The following GRID1 variants were observed in gnomAD, a reference collection of about 807,000 sequenced individuals.
GRID1 encodes glutamate receptor ionotropic, delta-1.
A neutral mutation model predicts 98.0 loss-of-function variants in GRID1; 28 were observed. That is an observed-to-expected ratio of 0.29 (90% CI 0.21 to 0.39). The LOEUF (loss-of-function observed/expected upper bound fraction) is 0.39. Among genes scored for constraint, GRID1 ranks in the 10% least tolerant of loss-of-function variants. GRID1 has a pLI of 1.00. For missense variants in GRID1, 1,111 were observed against 1,340.5 expected (o/e 0.83, Z 2.67); for synonymous variants, 553 against 538.5 (o/e 1.03, Z -0.37).
At chr10:85,821,605 G>C (rs866129870) in intron 8 of GRID1, among the ~76,000 whole-genome samples, 30 of 148,332 alleles carry the variant, frequency 2.0e-4, no homozygotes, top group African/African-American at 6.2e-4. Flanking sequence ...TTGCAAAGAA[G>C]TACAGGCAAA....
intron 4 of GRID1, among the ~76,000 whole-genome samples, chr10:86,088,172 A>G (rs1467142261): frequency 2.6e-5 from 4 of 152,264 alleles, no homozygotes. Context: ...TAATTAACAC[A>G]GCCCGCTGTT....
intron 4 of GRID1, among the ~76,000 whole-genome samples, chr10:86,109,239 G>A (rs1387939413): frequency 6.6e-6 from 1 of 152,222 alleles, no homozygotes; most frequent in Non-Finnish European, 1.5e-5. Flanking sequence ...CCTCAGCCTA[G>A]CAGCTAATAA....
chr10:85,982,918 CTG>C, intron 4 of GRID1, among the ~76,000 whole-genome samples: 1 of 152,234 alleles, frequency 6.6e-6, no homozygotes, highest in Admixed American at 6.5e-5. Context: ...TAAATCAAGA[CTG>C]TAAAAACCTG....
rs143746177 is a variant in GRID1, at chr10:85,617,102, G to A, written c.2360+2765C>T. ...TTATAGCAGTTCCACATAAGGCTGG[G>A]ACCTGTCATTTATACTAGAACCTGT... On this transcript the variant is annotated intron_variant, in intron 14 of 15. Transcript: ENST00000327946. Among the ~76,000 whole-genome samples, 505 of 152,222 alleles carry A rather than the reference G, an allele frequency of 3.3e-3. 3 individuals are homozygous for A. Among genetic ancestry groups the A allele is most frequent in the African/African-American group, 0.012 (489 of 41,508 alleles).
At chr10:85,966,017 G>A (rs967645602) in intron 4 of GRID1, among the ~76,000 whole-genome samples, 1 of 152,114 alleles carries the variant, frequency 6.6e-6, no homozygotes, top group African/African-American at 2.4e-5. Flanking sequence ...TACAAGATGG[G>A]GTGGGAACTG....
chr10:86,068,807 G>A (rs191593464), intron 4 of GRID1, among the ~76,000 whole-genome samples: 1 of 152,182 alleles, frequency 6.6e-6, no homozygotes, highest in African/African-American at 2.4e-5. Context: ...ACAGTGAAAT[G>A]TGCCACCCCT....
intron 2 of GRID1, among the ~76,000 whole-genome samples, chr10:86,222,934 G>A (rs1265792044): frequency 6.6e-6 from 1 of 152,116 alleles, no homozygotes; most frequent in African/African-American, 2.4e-5. Context: ...GGGGACATGC[G>A]AGACTGCATC....
At chr10:86,267,014 C>A (rs1484633172) in intron 2 of GRID1, among the ~76,000 whole-genome samples, 2 of 152,210 alleles carry the variant, frequency 1.3e-5, no homozygotes, top group Admixed American at 1.3e-4. Context: ...TAGCATGGTG[C>A]CAGCCAGGCT....
intron 4 of GRID1, among the ~76,000 whole-genome samples, chr10:85,989,187 T>C (rs1303416519): frequency 6.6e-6 from 1 of 152,152 alleles, no homozygotes; most frequent in African/African-American, 2.4e-5. Context: ...CAAAGGCTGT[T>C]GTTGGAGTCA....
At chr10:86,025,805 A>G (rs1229925659) in intron 4 of GRID1, among the ~76,000 whole-genome samples, 1 of 152,152 alleles carries the variant, frequency 6.6e-6, no homozygotes, top group East Asian at 1.9e-4. Context: ...TAGATAATCA[A>G]CCCAGTTTTG....
In GRID1 at chr10:86,201,415, AACTAAC is replaced by A. The variant is rs371839043; in HGVS notation, c.520+4943_520+4948del. ...GAGCTGCAAGCCACTATCCTGAGCC[AACTAAC>A]ACAGGAACAGAAAACCAAATATAGC... is the stretch of plus-strand genomic sequence containing the variant. On this transcript the variant is annotated intron_variant, in intron 3 of 15. Coordinates refer to ENST00000327946, the MANE Select transcript of GRID1 (RefSeq NM_017551.3). Among the ~76,000 whole-genome samples the A allele has an allele frequency of 3.6e-3, 544 of 152,332 alleles. 1 individual carries two copies. Among genetic ancestry groups the A allele is most frequent in the African/African-American group, 0.013 (525 of 41,574 alleles).
intron 2 of GRID1, among the ~76,000 whole-genome samples, chr10:86,274,366 T>C (rs1380858344): frequency 6.6e-6 from 1 of 152,238 alleles, no homozygotes; most frequent in Admixed American, 6.5e-5. Context: ...CTTTGTTCTT[T>C]TGGCTTAGGA....
At chr10:85,943,804 G>C (rs896333831) in intron 4 of GRID1, among the ~76,000 whole-genome samples, 1 of 152,182 alleles carries the variant, frequency 6.6e-6, no homozygotes, top group African/African-American at 2.4e-5. Context: ...AATTGAAAAG[G>C]CTAATGTGAT....
intron 8 of GRID1, among the ~76,000 whole-genome samples, chr10:85,748,827 T>C (rs768473954): frequency 4.6e-5 from 7 of 152,096 alleles, no homozygotes; most frequent in Non-Finnish European, 4.4e-5. Flanking sequence ...TATACAACCT[T>C]CCATCCCAAA....
At chr10:85,761,237 G>A (rs982620594) in intron 8 of GRID1, among the ~76,000 whole-genome samples, 2 of 152,140 alleles carry the variant, frequency 1.3e-5, no homozygotes, top group African/African-American at 4.8e-5. Flanking sequence ...GTTAGCTCCT[G>A]GTCATATATC....
At chr10:85,796,761 A>T (rs1842529558) in intron 8 of GRID1, among the ~76,000 whole-genome samples, 2 of 152,218 alleles carry the variant, frequency 1.3e-5, no homozygotes, top group South Asian at 2.1e-4. Context: ...TTCAAGAGCA[A>T]CAGAAGCATT....
intron 8 of GRID1, among the ~76,000 whole-genome samples, chr10:85,811,570 A>G (rs925095144): frequency 1.3e-5 from 2 of 152,160 alleles, no homozygotes; most frequent in Non-Finnish European, 2.9e-5. Flanking sequence ...AATAAAAAAT[A>G]CAATCAAGAG....
intron 3 of GRID1, among the ~76,000 whole-genome samples, chr10:86,141,373 G>A (rs920220708): frequency 4.6e-5 from 7 of 152,150 alleles, no homozygotes; most frequent in Non-Finnish European, 7.3e-5. Context: ...CCAATCAGAG[G>A]GAGTAGCAGG....
chr10:85,888,441 G>A (rs1163179847), intron 5 of GRID1, among the ~76,000 whole-genome samples: 1 of 152,208 alleles, frequency 6.6e-6, no homozygotes, highest in East Asian at 1.9e-4. Flanking sequence ...AGCCAGAGAA[G>A]TCCAAAGTCC....
Sources: allele counts gnomAD v4.1 joint callset (sites outside exome capture counted in the v4.1 genomes callset), GRCh38; gene constraint gnomAD v4.1.1; transcripts MANE v1.5; gene names NCBI Gene and HGNC (gene_info 2026-07-23, HGNC 2026-07-21).